The following RFX3 variants were observed in gnomAD, a reference collection of about 807,000 sequenced individuals.
RFX3 encodes transcription factor RFX3.
RFX3 carries 14 observed loss-of-function variants against 98.6 expected under a neutral mutation model. That is an observed-to-expected ratio of 0.14 (90% CI 0.09 to 0.22). The LOEUF is 0.22. Among genes scored for constraint, RFX3 ranks in the 10% least tolerant of loss-of-function variants. The pLI is 1.00. For synonymous variants in RFX3, 383 were observed against 328.4 expected (o/e 1.17, Z -1.80); for missense variants, 639 against 926.9 (o/e 0.69, Z 4.03).
chr9:3,311,777 G>A (rs533949416), intron 4 of RFX3, among the ~76,000 whole-genome samples: 1 of 151,982 alleles, frequency 6.6e-6, no homozygotes, highest in Non-Finnish European at 1.5e-5. Context: ...CCAGCTACTC[G>A]GGAGGCTGAG....
chr9:3,322,348 T>C (rs1481391720), intron 4 of RFX3, among the ~76,000 whole-genome samples: 5 of 152,210 alleles, frequency 3.3e-5, no homozygotes, highest in Admixed American at 6.5e-5. Context: ...TATTAGTTTG[T>C]TGCCAGGCAT....
At chr9:3,480,651 C>T (rs1372762096) in intron 1 of RFX3, among the ~76,000 whole-genome samples, 1 of 152,148 alleles carries the variant, frequency 6.6e-6, no homozygotes, top group African/African-American at 2.4e-5. Context: ...TCTGTTCTTT[C>T]CCACAATGAG....
At chr9:3,466,408 T>G (rs952535349) in intron 1 of RFX3, among the ~76,000 whole-genome samples, 3 of 152,114 alleles carry the variant, frequency 2.0e-5, no homozygotes, top group Non-Finnish European at 4.4e-5. Context: ...AAGAAAAAAA[T>G]GTGATGCAAT....
intron 2 of RFX3, among the ~76,000 whole-genome samples, chr9:3,353,644 G>A (rs1237006496): frequency 6.6e-6 from 1 of 151,976 alleles, no homozygotes; most frequent in Non-Finnish European, 1.5e-5. Context: ...TCATCCTAAT[G>A]AAGCTAAAAA....
At chr9:3,404,878 G>T (rs1044951535) in intron 1 of RFX3, among the ~76,000 whole-genome samples, 2 of 152,120 alleles carry the variant, frequency 1.3e-5, no homozygotes, top group African/African-American at 4.8e-5. Context: ...GTTCAGAAGA[G>T]TTATCTACAG....
At chr9:3,243,602 T>A (rs1820244992) in intron 15 of RFX3, among the ~76,000 whole-genome samples, 1 of 152,216 alleles carries the variant, frequency 6.6e-6, no homozygotes, top group African/African-American at 2.4e-5. Flanking sequence ...CCTGCCTGCC[T>A]GCTCAAATAA....
At chr9:3,427,313 T>G (rs996367260) in intron 1 of RFX3, among the ~76,000 whole-genome samples, 3 of 139,294 alleles carry the variant, frequency 2.2e-5, no homozygotes, top group Non-Finnish European at 4.6e-5. Context: ...TTGTATTACA[T>G]AATAATACAA....
At chr9:3,371,470 G>A (rs1040464512) in intron 2 of RFX3, among the ~76,000 whole-genome samples, 5 of 151,846 alleles carry the variant, frequency 3.3e-5, no homozygotes, top group Middle Eastern at 3.2e-3. Flanking sequence ...ATGACTTTGG[G>A]GATAATTTCA....
chr9:3,222,022 C>A lies in RFX3; in HGVS notation c.*3020G>T, dbSNP rs1019594501. On this transcript the variant is annotated 3_prime_UTR_variant, in exon 17 of 17. Coordinates refer to ENST00000617270, the MANE Select transcript of RFX3 (RefSeq NM_001282116.2). ...TCTAATATTATTTAGAAAACCCACACTTTCAATGAGTGAAAAAAGGGAAAA... is the reference window on the plus strand; with the variant it reads ...TCTAATATTATTTAGAAAACCCACAATTTCAATGAGTGAAAAAAGGGAAAA... The A allele has an allele frequency of 6.6e-6, 1 of 152,058 alleles. No homozygotes were observed. Among genetic ancestry groups the A allele is most frequent in the African/African-American group, 2.4e-5 (1 of 41,414 alleles). 9.4% of individuals were successfully genotyped at this position (152,058 alleles called of 1,614,324 possible). A position where few individuals can be genotyped will look rare whatever the true frequency, so the allele number is the denominator to read the frequency against.
chr9:3,313,016 G>C lies in RFX3; in HGVS notation c.475-11396C>G, dbSNP rs138098604. Reference sequence around the variant, plus strand: ...CTGTCTGACAGCTTTGAAGAGAGTAGTGGTTCTCCCAGCACAGAATTTAAG... The same window carrying C: ...CTGTCTGACAGCTTTGAAGAGAGTACTGGTTCTCCCAGCACAGAATTTAAG... On this transcript the variant is annotated intron_variant, in intron 4 of 16. Transcript: ENST00000617270. 7.5e-3 allele frequency among the ~76,000 whole-genome samples: 1,135 copies of C among 152,330 alleles called. 8 individuals carry two copies. The highest frequency in any genetic ancestry group is 0.026 in the African/African-American group (1,074 of 41,568).
At chr9:3,312,360 T>C (rs1830059198) in intron 4 of RFX3, among the ~76,000 whole-genome samples, 1 of 152,154 alleles carries the variant, frequency 6.6e-6, no homozygotes, top group Non-Finnish European at 1.5e-5. Context: ...ATCTAGTCAA[T>C]GGAAACCTTC....
Position 3,386,050 on chromosome 9 carries a change from T to C in RFX3, c.117+9422A>G, listed in dbSNP as rs1430596387. Among the ~76,000 whole-genome samples the C allele has an allele frequency of 2.6e-4, 39 of 152,192 alleles. 1 individual carries two copies. Among genetic ancestry groups the C allele is most frequent in the Admixed American group, 2.5e-3 (38 of 15,264 alleles). On this transcript the variant is annotated intron_variant, in intron 2 of 16. Coordinates refer to ENST00000617270, the MANE Select transcript of RFX3 (RefSeq NM_001282116.2). ...CACCACCTCTGCAGATCAGAGGAAGTTGGTGTTGGTTCTGATCTAGAGTCT... is the reference window on the plus strand; with the variant it reads ...CACCACCTCTGCAGATCAGAGGAAGCTGGTGTTGGTTCTGATCTAGAGTCT...
chr9:3,410,486 G>A (rs546248385), intron 1 of RFX3, among the ~76,000 whole-genome samples: 3 of 151,828 alleles, frequency 2.0e-5, no homozygotes, highest in Non-Finnish European at 2.9e-5. Flanking sequence ...CCTGGAAGAG[G>A]GAAAAAGCAA....
At chr9:3,267,024 G>T (rs1649939245) in intron 11 of RFX3, among the ~76,000 whole-genome samples, 3 of 151,934 alleles carry the variant, frequency 2.0e-5, no homozygotes, top group Non-Finnish European at 4.4e-5. Context: ...CATGACAGAA[G>T]ATTTTACGGT....
At chr9:3,426,425 C>A (rs1324329991) in intron 1 of RFX3, among the ~76,000 whole-genome samples, 4 of 151,056 alleles carry the variant, frequency 2.6e-5, no homozygotes, top group Admixed American at 2.6e-4. Context: ...TGGTATAGAA[C>A]AAGGGTCCCC....
chr9:3,501,246 A>G (rs1203604692), intron 1 of RFX3, among the ~76,000 whole-genome samples: 1 of 152,102 alleles, frequency 6.6e-6, no homozygotes, highest in Non-Finnish European at 1.5e-5. Flanking sequence ...AAAATCAAAG[A>G]TCCTCAGTAA....
intron 12 of RFX3, among the ~76,000 whole-genome samples, chr9:3,264,758 T>C (rs896340228): frequency 1.3e-5 from 2 of 152,172 alleles, no homozygotes; most frequent in African/African-American, 4.8e-5. Context: ...TCTCTGTTAA[T>C]TGAATGTGGA....
chr9:3,356,696 G>A (rs866176232), intron 2 of RFX3, among the ~76,000 whole-genome samples: 1 of 151,796 alleles, frequency 6.6e-6, no homozygotes, highest in African/African-American at 2.4e-5. Flanking sequence ...ACAAACTAAT[G>A]TCTCTCATAA....
intron 6 of RFX3, 71 bp from the exon 7 acceptor site, chr9:3,288,321 T>C (rs1586891904): frequency 5.5e-6 from 8 of 1,443,052 alleles, no homozygotes; most frequent in East Asian, 2.3e-5. Flanking sequence ...GGGATGTCCA[T>C]TAAACTTCAC....
Sources: allele counts gnomAD v4.1 joint callset (sites outside exome capture counted in the v4.1 genomes callset), GRCh38; gene constraint gnomAD v4.1.1; transcripts MANE v1.5; gene names NCBI Gene and HGNC (gene_info 2026-07-23, HGNC 2026-07-21).